PAK5: variants seen among roughly 807,000 people sequenced by gnomAD.
PAK5 encodes serine/threonine-protein kinase PAK 5.
Under a neutral mutation model 65.9 loss-of-function variants are expected in PAK5, and 16 were observed. The observed-to-expected ratio is 0.24, with a 90% CI of 0.16 to 0.37. The LOEUF (loss-of-function observed/expected upper bound fraction) is 0.37. Among genes scored for constraint, PAK5 ranks in the 10% least tolerant of loss-of-function variants. PAK5 has a pLI of 1.00. For missense variants in PAK5, 785 were observed against 903.9 expected (o/e 0.87, Z 1.69); for synonymous variants, 371 against 354.9 (o/e 1.05, Z -0.51).
intron 1 of PAK5, among the ~76,000 whole-genome samples, chr20:9,797,679 GA>G (rs145184687): frequency 0.16 from 22,936 of 143,692 alleles, 2,613 homozygotes; most frequent in East Asian, 0.3. Flanking sequence ...AAGAGCACAA[GA>G]AAAAAAAAAG....
intron 2 of PAK5, among the ~76,000 whole-genome samples, chr20:9,698,983 TTC>T (rs146740182): frequency 0.019 from 2,968 of 152,308 alleles, 102 homozygotes; most frequent in African/African-American, 0.068. Flanking sequence ...ACTTTATAGA[TTC>T]TGAGTTATTT....
Position 9,757,405 on chromosome 20 carries a change from A to G in PAK5, c.-161-45970T>C, listed in dbSNP as rs575681351. On this transcript the variant is annotated intron_variant, in intron 1 of 9. Transcript: ENST00000353224. ...AAAATAAAATATGATGAATATAAAA[A>G]GAAAATATAAAAGTTAGATTTCATC... Among the ~76,000 whole-genome samples the G allele has an allele frequency of 7.2e-5, 11 of 152,322 alleles. No individual in the cohort carries two copies. The East Asian group carries it at 2.1e-3, about 29-fold the overall frequency.
chr20:9,673,233 G>T (rs113320849), intron 2 of PAK5, among the ~76,000 whole-genome samples: 9,069 of 151,892 alleles, frequency 0.06, 266 homozygotes, highest in South Asian at 0.084. Context: ...CCAGGAAAGG[G>T]ATTCAAATTG....
intron 1 of PAK5, among the ~76,000 whole-genome samples, chr20:9,805,942 G>A (rs184696242): frequency 6.6e-6 from 1 of 152,156 alleles, no homozygotes; most frequent in Admixed American, 6.6e-5. Context: ...ATAGCTAAGG[G>A]AGAGAGATGG....
intron 7 of PAK5, among the ~76,000 whole-genome samples, chr20:9,550,869 T>A (rs1490849759): frequency 6.6e-6 from 1 of 151,992 alleles, no homozygotes; most frequent in Non-Finnish European, 1.5e-5. Flanking sequence ...GAAACCTGAA[T>A]GGTTAAGGAG....
At chr20:9,623,665 G>C (rs2046802614) in intron 3 of PAK5, among the ~76,000 whole-genome samples, 1 of 152,154 alleles carries the variant, frequency 6.6e-6, no homozygotes, top group African/African-American at 2.4e-5. Context: ...AGGTTTGAAA[G>C]TATAAGACAA....
At chr20:9,819,968 C>T (rs1371549406) in intron 1 of PAK5, among the ~76,000 whole-genome samples, 1 of 152,118 alleles carries the variant, frequency 6.6e-6, no homozygotes, top group Non-Finnish European at 1.5e-5. Context: ...AGAAAGAAAA[C>T]TATACAGAAA....
intron 1 of PAK5, among the ~76,000 whole-genome samples, chr20:9,794,380 G>C (rs2049082891): frequency 6.6e-6 from 1 of 152,006 alleles, no homozygotes; most frequent in Admixed American, 6.6e-5. Flanking sequence ...GGCAAGAATT[G>C]ATGGAGGAGC....
intron 7 of PAK5, among the ~76,000 whole-genome samples, chr20:9,556,996 C>T (rs1198345245): frequency 6.6e-6 from 1 of 152,182 alleles, no homozygotes; most frequent in Admixed American, 6.5e-5. Context: ...AAGATCAGAG[C>T]ACCCTCCAGG....
chr20:9,583,529 C>G (rs892924474), intron 3 of PAK5, among the ~76,000 whole-genome samples: 1 of 152,204 alleles, frequency 6.6e-6, no homozygotes, highest in Non-Finnish European at 1.5e-5. Flanking sequence ...CCTGCACCCC[C>G]TTCAATGAGG....
At chr20:9,674,925 C>T (rs183833321) in intron 2 of PAK5, among the ~76,000 whole-genome samples, 37 of 152,222 alleles carry the variant, frequency 2.4e-4, no homozygotes, top group African/African-American at 8.7e-4. Flanking sequence ...GAGAGTAATG[C>T]CTCAGAGAAG....
chr20:9,835,560 C>A (rs550315266), intron 1 of PAK5, among the ~76,000 whole-genome samples: 2 of 152,248 alleles, frequency 1.3e-5, no homozygotes, highest in African/African-American at 4.8e-5. Context: ...ATTATCCTCT[C>A]TGCTCTGGAT....
At chr20:9,635,648 G>C (rs376778090) in intron 3 of PAK5, among the ~76,000 whole-genome samples, 72 of 152,228 alleles carry the variant, frequency 4.7e-4, no homozygotes, top group Non-Finnish European at 7.9e-4. Flanking sequence ...TGTTCATCCA[G>C]ATGAGAACTT....
At chr20:9,577,314 G>GCT (rs2045901816) in intron 4 of PAK5, 1 of 151,828 alleles carries the variant, frequency 6.6e-6, no homozygotes, top group Admixed American at 6.6e-5. Flanking sequence ...AACATTGAAG[G>GCT]ATTTTTTTTT....
chr20:9,590,332 T>G (rs1225654314), intron 3 of PAK5, among the ~76,000 whole-genome samples: 1 of 152,172 alleles, frequency 6.6e-6, no homozygotes, highest in Non-Finnish European at 1.5e-5. Context: ...GCATTTTACT[T>G]GTATTGAGCA....
chr20:9,738,177 AC>A, intron 1 of PAK5, among the ~76,000 whole-genome samples: 1 of 152,002 alleles, frequency 6.6e-6, no homozygotes, highest in East Asian at 1.9e-4. Context: ...AAACAAAAAA[AC>A]AATGTGGAGG....
intron 2 of PAK5, among the ~76,000 whole-genome samples, chr20:9,694,912 A>AC (rs2047848066): frequency 6.6e-6 from 1 of 152,048 alleles, no homozygotes; most frequent in Non-Finnish European, 1.5e-5. Context: ...GTATATACAT[A>AC]CCTAAGAGTA....
intron 1 of PAK5, among the ~76,000 whole-genome samples, chr20:9,729,486 A>G (rs2048312157): frequency 6.6e-6 from 1 of 151,892 alleles, no homozygotes; most frequent in Non-Finnish European, 1.5e-5. Context: ...GGCACGAGGT[A>G]TTATATAAAA....
At chr20:9,573,746 G>A (rs548903625) in intron 4 of PAK5, among the ~76,000 whole-genome samples, 4 of 152,272 alleles carry the variant, frequency 2.6e-5, no homozygotes, top group African/African-American at 7.2e-5. Flanking sequence ...GAGCGTGCTC[G>A]ACTGGGGTGT....
Sources: allele counts gnomAD v4.1 joint callset (sites outside exome capture counted in the v4.1 genomes callset), GRCh38; gene constraint gnomAD v4.1.1; transcripts MANE v1.5; gene names NCBI Gene and HGNC (gene_info 2026-07-23, HGNC 2026-07-21).